PTPRK: variants seen among roughly 807,000 people sequenced by gnomAD.
The protein encoded by PTPRK is protein tyrosine phosphatase receptor type K.
A neutral mutation model predicts 178.0 loss-of-function variants in PTPRK; 75 were observed. That is an observed-to-expected ratio of 0.42 (90% CI 0.35 to 0.51). The LOEUF is 0.51. Ranked by LOEUF, PTPRK falls within the 20% of genes least tolerant of loss-of-function variation. The pLI is 0.02. For synonymous variants in PTPRK, 637 were observed against 620.6 expected, an observed-to-expected ratio of 1.03 and a Z score of -0.39; for missense variants, 1,441 against 1,797.8, an observed-to-expected ratio of 0.80 and a Z score of 3.59.
At chr6:128,062,469 T>C (rs1022546814) in intron 13 of PTPRK, 28 of 167,076 alleles carry the variant, frequency 1.7e-4, no homozygotes, top group African/African-American at 6.5e-4. Context: ...GGCAGAAACA[T>C]TAAAAAACAA....
chr6:128,172,836 TCACA>T, intron 7 of PTPRK, among the ~76,000 whole-genome samples: 1 of 151,890 alleles, frequency 6.6e-6, no homozygotes, highest in South Asian at 2.1e-4. Context: ...ATATATTCTC[TCACA>T]CACACGAACT....
In PTPRK at chr6:128,330,056, C is replaced by T. The variant is rs77040886; in HGVS notation, c.224-7746G>A. Among the ~76,000 whole-genome samples, 1,337 of 152,246 alleles carry T rather than the reference C, an allele frequency of 8.8e-3. 20 individuals carry two copies. The highest frequency in any genetic ancestry group is 0.03 in the African/African-American group (1,257 of 41,540). ...ACTGTGCAAAACAGCTAGCTCTTGG[C>T]ATTGAGTGAGATTTTCCCAGTAGTA... On this transcript the variant is annotated intron_variant, in intron 2 of 29. Coordinates refer to ENST00000368226, the MANE Select transcript of PTPRK (RefSeq NM_002844.4).
intron 1 of PTPRK, among the ~76,000 whole-genome samples, chr6:128,406,817 C>T (rs1364320007): frequency 6.6e-6 from 1 of 152,196 alleles, no homozygotes; most frequent in Non-Finnish European, 1.5e-5. Flanking sequence ...CAGTTGAGTG[C>T]ATATGGTTAC....
chr6:128,164,376 G>A (rs1185651045), intron 7 of PTPRK, among the ~76,000 whole-genome samples: 1 of 151,174 alleles, frequency 6.6e-6, no homozygotes, highest in African/African-American at 2.4e-5. Context: ...ATTTTCAGAT[G>A]CTTTATTAAT....
chr6:128,118,923 C>T (rs1792003215), intron 7 of PTPRK, among the ~76,000 whole-genome samples: 1 of 152,102 alleles, frequency 6.6e-6, no homozygotes, highest in South Asian at 2.1e-4. Context: ...ACTTTCTTTC[C>T]CATAGAACAT....
At chr6:127,993,594 C>T (rs1255940733) in intron 18 of PTPRK, among the ~76,000 whole-genome samples, 1 of 151,556 alleles carries the variant, frequency 6.6e-6, no homozygotes, top group East Asian at 1.9e-4. Flanking sequence ...GAACTGAGAT[C>T]TCCAACCTAA....
chr6:128,429,784 G>T (rs1033368064), intron 1 of PTPRK, among the ~76,000 whole-genome samples: 15 of 152,162 alleles, frequency 9.9e-5, no homozygotes, highest in Non-Finnish European at 1.5e-4. Context: ...ATTCAGTGAG[G>T]TGTGCATTAT....
chr6:128,103,678 C>T (rs1789179797), intron 7 of PTPRK, among the ~76,000 whole-genome samples: 1 of 152,132 alleles, frequency 6.6e-6, no homozygotes, highest in South Asian at 2.1e-4. Flanking sequence ...TTTTTTTCCC[C>T]CTGCATGATG....
intron 6 of PTPRK, among the ~76,000 whole-genome samples, chr6:128,190,631 T>G (rs886549134): frequency 4.0e-5 from 6 of 150,968 alleles, no homozygotes; most frequent in African/African-American, 1.5e-4. Flanking sequence ...CCCAAGTAGC[T>G]GGGATTACAG....
intron 1 of PTPRK, among the ~76,000 whole-genome samples, chr6:128,503,285 A>G (rs1855831606): frequency 1.3e-5 from 2 of 152,038 alleles, no homozygotes; most frequent in African/African-American, 4.8e-5. Flanking sequence ...AACATTTACC[A>G]CCATCGCTAT....
chr6:128,070,725 T>C (rs1361058453), intron 11 of PTPRK, among the ~76,000 whole-genome samples: 1 of 151,904 alleles, frequency 6.6e-6, no homozygotes, highest in Non-Finnish European at 1.5e-5. Context: ...CCCCAGTTTC[T>C]AGATATTTTT....
intron 3 of PTPRK, among the ~76,000 whole-genome samples, chr6:128,247,885 G>A (rs1815770768): frequency 6.6e-6 from 1 of 152,026 alleles, no homozygotes; most frequent in South Asian, 2.1e-4. Flanking sequence ...ATCCCAGTTT[G>A]GAAAAACATG....
rs188217643 is a variant in PTPRK, at chr6:128,441,544, C to G, written c.101-43856G>C. ...GGGCCCACCCTCAAGTCCCCTCTCC[C>G]CTAGGCCTTACATTAAGGCCTTTCA... On this transcript the variant is annotated intron_variant, in intron 1 of 29. Coordinates refer to ENST00000368226, the MANE Select transcript of PTPRK (RefSeq NM_002844.4). Among the ~76,000 whole-genome samples the G allele has an allele frequency of 1.2e-3, 189 of 152,236 alleles. 1 individual carries two copies. Among genetic ancestry groups the G allele is most frequent in the Non-Finnish European group, 1.6e-3 (112 of 68,006 alleles).
chr6:128,383,290 C>A (rs1430723490), intron 2 of PTPRK, among the ~76,000 whole-genome samples: 1 of 152,030 alleles, frequency 6.6e-6, no homozygotes, highest in Non-Finnish European at 1.5e-5. Context: ...GGGCAAAGAT[C>A]TAAACTTCCA....
chr6:127,994,040 A>G (rs1489013655), intron 18 of PTPRK, among the ~76,000 whole-genome samples: 3 of 151,756 alleles, frequency 2.0e-5, no homozygotes, highest in Non-Finnish European at 4.4e-5. Context: ...TAAAAATTAG[A>G]CCATTAGCTT....
At chr6:128,163,625 C>T (rs1182830046) in intron 7 of PTPRK, among the ~76,000 whole-genome samples, 3 of 151,372 alleles carry the variant, frequency 2.0e-5, no homozygotes, top group Non-Finnish European at 3.0e-5. Context: ...TCTACTGAAG[C>T]TTAGTCCGTT....
chr6:128,024,508 T>A (rs1481213123), intron 13 of PTPRK, among the ~76,000 whole-genome samples: 1 of 152,150 alleles, frequency 6.6e-6, no homozygotes, highest in Non-Finnish European at 1.5e-5. Context: ...ATTTTCTTAG[T>A]GTACAAAATG....
At position 128,000,243 on chromosome 6, in the gene PTPRK, T is replaced by C. The variant is rs370259700; in HGVS notation, c.2495-1339A>G. 5.0e-6 allele frequency: 6 copies of C among 1,193,684 alleles called. No homozygotes were observed. In the African/African-American group the frequency reaches 6.4e-5, roughly 13 times the overall value. The allele number at this position is 1,193,684 out of a possible 1,614,324, so 73.9% of individuals were successfully genotyped here. A position where few individuals can be genotyped will look rare whatever the true frequency, so the allele number is the denominator to read the frequency against. On this transcript the variant is annotated intron_variant, in intron 15 of 29. Coordinates refer to ENST00000368226, the MANE Select transcript of PTPRK (RefSeq NM_002844.4). ...TAACAGATAAACATATTTCAAGTGC[T>C]AGTACATTTGCCTGTTCTATCACCA...
intron 2 of PTPRK, among the ~76,000 whole-genome samples, chr6:128,372,097 C>G (rs7758826): frequency 0.97 from 147,773 of 152,300 alleles, 71,828 homozygotes; most frequent in East Asian, 1. Flanking sequence ...TTTCCAGTTA[C>G]TGCTTTTTCT....
Sources: allele counts gnomAD v4.1 joint callset (sites outside exome capture counted in the v4.1 genomes callset), GRCh38; gene constraint gnomAD v4.1.1; transcripts MANE v1.5; gene names NCBI Gene and HGNC (gene_info 2026-07-23, HGNC 2026-07-21).